Variants in PTPRT observed in about 807,000 individuals in gnomAD.
PTPRT encodes the protein protein tyrosine phosphatase receptor type T.
In PTPRT, 56 loss-of-function variants were observed where a neutral mutation model predicts 176.8. The ratio of observed to expected loss-of-function variants is 0.32; its 90% CI spans 0.26 to 0.40. The LOEUF (loss-of-function observed/expected upper bound fraction) is 0.40, where lower values mean the gene tolerates loss of function less well. Among genes scored for constraint, PTPRT ranks in the 10% least tolerant of loss-of-function variants. PTPRT has a pLI of 1.00. For missense variants in PTPRT, 1,540 were observed against 1,908.2 expected, an observed-to-expected ratio of 0.81 and a Z score of 3.60; for synonymous variants, 783 against 739.0, an observed-to-expected ratio of 1.06 and a Z score of -0.96.
chr20:42,036,779 C>T, the PTPRT span, among the ~76,000 whole-genome samples: 4 of 152,068 alleles, frequency 2.6e-5, no homozygotes, highest in Non-Finnish European at 5.9e-5. Context: ...GTGAGGAGAC[C>T]CAGGGAGTAC....
At chr20:42,150,982 A>G (rs1164601613) in intron 17 of PTPRT, among the ~76,000 whole-genome samples, 1 of 152,222 alleles carries the variant, frequency 6.6e-6, no homozygotes, top group African/African-American at 2.4e-5. Flanking sequence ...CAATACCCAT[A>G]GCACCTGGCA....
At chr20:42,745,316 A>T (rs2076676252) in intron 6 of PTPRT, among the ~76,000 whole-genome samples, 1 of 152,172 alleles carries the variant, frequency 6.6e-6, no homozygotes, top group Non-Finnish European at 1.5e-5. Context: ...TCCTAGATGA[A>T]TAGTAGGGCA....
intron 1 of PTPRT, among the ~76,000 whole-genome samples, chr20:43,036,873 A>T (rs1986401450): frequency 6.6e-6 from 1 of 152,272 alleles, no homozygotes; most frequent in Non-Finnish European, 1.5e-5. Flanking sequence ...CAATCAACTT[A>T]TAAGTTTAAA....
intron 10 of PTPRT, 41 bp from the exon 11 acceptor site, chr20:42,350,771 T>C (rs2058271869): frequency 6.9e-7 from 1 of 1,456,496 alleles, no homozygotes; most frequent in Non-Finnish European, 9.6e-7. Flanking sequence ...TCAGCACAGA[T>C]TCCCAACTGG....
intron 9 of PTPRT, among the ~76,000 whole-genome samples, chr20:42,437,272 C>G (rs2059270501): frequency 6.6e-6 from 1 of 152,154 alleles, no homozygotes; most frequent in South Asian, 2.1e-4. Flanking sequence ...TCATTTTGGG[C>G]ACCCAAGTGA....
intron 12 of PTPRT, among the ~76,000 whole-genome samples, chr20:42,291,852 C>A (rs1372058474): frequency 6.6e-6 from 1 of 152,048 alleles, no homozygotes; most frequent in African/African-American, 2.4e-5. Context: ...ATTTTAAGAA[C>A]AACAGGAAGT....
intron 1 of PTPRT, among the ~76,000 whole-genome samples, chr20:42,888,760 A>G (rs1026796660): frequency 5.3e-5 from 8 of 152,190 alleles, no homozygotes; most frequent in African/African-American, 1.7e-4. Flanking sequence ...ACATTCAACA[A>G]GTTTTTTTAA....
intron 17 of PTPRT, among the ~76,000 whole-genome samples, chr20:42,150,568 C>T (rs1224487876): frequency 6.6e-6 from 1 of 152,186 alleles, no homozygotes; most frequent in Non-Finnish European, 1.5e-5. Context: ...CTGGGTCTTT[C>T]CTTCATTTGT....
chr20:42,556,401 C>T (rs1244123959), intron 7 of PTPRT, among the ~76,000 whole-genome samples: 1 of 152,142 alleles, frequency 6.6e-6, no homozygotes, highest in Admixed American at 6.5e-5. Context: ...CAAATGAGAA[C>T]ACTTAGGCTG....
intron 13 of PTPRT, among the ~76,000 whole-genome samples, chr20:42,261,735 C>A (rs1202607463): frequency 6.6e-6 from 1 of 152,152 alleles, no homozygotes; most frequent in African/African-American, 2.4e-5. Context: ...GAGGCCGAGG[C>A]TCCCCTAGGC....
intron 7 of PTPRT, among the ~76,000 whole-genome samples, chr20:42,636,397 T>C (rs992636944): frequency 8.5e-5 from 13 of 152,140 alleles, no homozygotes; most frequent in African/African-American, 3.1e-4. Flanking sequence ...AAAATGAGGA[T>C]ATACTTCATA....
rs139773456 is a variant in PTPRT, at chr20:43,098,970, T to C, written c.88+90676A>G. Among the ~76,000 whole-genome samples, 18 of 152,264 alleles carry C rather than the reference T, an allele frequency of 1.2e-4. No individual in the cohort carries two copies. In the East Asian group the frequency reaches 2.9e-3, roughly 24 times the overall value. On this transcript the variant is annotated intron_variant, in intron 1 of 30. Transcript: ENST00000373187. ...ATTTTCAGCCCTGCAGTATACCACA[T>C]TGGTCTGGACTCTAGCATATGCAGG...
intron 11 of PTPRT, among the ~76,000 whole-genome samples, chr20:42,347,829 T>C (rs2058217446): frequency 6.6e-6 from 1 of 152,174 alleles, no homozygotes; most frequent in South Asian, 2.1e-4. Flanking sequence ...TACTTCAGAG[T>C]TTGGCTTTCT....
intron 11 of PTPRT, among the ~76,000 whole-genome samples, chr20:42,324,092 T>C (rs765802632): frequency 6.6e-6 from 1 of 152,340 alleles, no homozygotes; most frequent in Non-Finnish European, 1.5e-5. Flanking sequence ...TTATTTATAA[T>C]CGCCAAAACA....
chr20:42,063,001 G>C, the PTPRT span, among the ~76,000 whole-genome samples: 1 of 152,120 alleles, frequency 6.6e-6, no homozygotes, highest in African/African-American at 2.4e-5. Context: ...TGTCTGTTTG[G>C]GGTTATAAAG....
intron 16 of PTPRT, among the ~76,000 whole-genome samples, chr20:42,172,377 A>G (rs1309189360): frequency 6.6e-6 from 1 of 152,180 alleles, no homozygotes; most frequent in Non-Finnish European, 1.5e-5. Context: ...GCCACTTCAC[A>G]GTTGTTAGAG....
At chr20:42,393,026 T>A (rs899493837) in intron 9 of PTPRT, among the ~76,000 whole-genome samples, 4 of 152,128 alleles carry the variant, frequency 2.6e-5, no homozygotes, top group Non-Finnish European at 4.4e-5. Context: ...AAAGTGGGGA[T>A]TGTCTAATGG....
intron 1 of PTPRT, among the ~76,000 whole-genome samples, chr20:42,888,725 A>C (rs1302585341): frequency 6.6e-6 from 1 of 152,194 alleles, no homozygotes; most frequent in Non-Finnish European, 1.5e-5. Flanking sequence ...CTCCATTCAA[A>C]TCCATTCCTT....
chr20:42,649,484 C>T (rs1401259680), intron 7 of PTPRT, among the ~76,000 whole-genome samples: 8 of 152,126 alleles, frequency 5.3e-5, no homozygotes, highest in Admixed American at 5.2e-4. Context: ...TCACCTATAA[C>T]TGGGGCAGTC....
Sources: gnomAD v4.1 joint callset for allele counts (sites outside exome capture counted in the v4.1 genomes callset) on GRCh38, gnomAD v4.1.1 for gene constraint, MANE v1.5 for transcripts, NCBI Gene and HGNC (gene_info 2026-07-23, HGNC 2026-07-21) for gene names.